Variants in NPSR1 observed in about 807,000 individuals in gnomAD.
NPSR1 encodes the protein neuropeptide S receptor.
Under a neutral mutation model 46.9 loss-of-function variants are expected in NPSR1, and 48 were observed. The ratio of observed to expected loss-of-function variants is 1.02; its 90% confidence interval spans 0.81 to 1.30. NPSR1 has a LOEUF of 1.30. NPSR1 is among the 50% of genes most tolerant of loss of function. NPSR1 has a pLI of 0.00. For synonymous variants in NPSR1, 176 were observed against 168.1 expected (o/e 1.05, Z -0.36); for missense variants, 450 against 449.5 (o/e 1.00, Z -0.01).
chr7:34,740,727 C>T (rs1232611159), intron 2 of NPSR1, among the ~76,000 whole-genome samples: 3 of 152,198 alleles, frequency 2.0e-5, no homozygotes, highest in African/African-American at 7.2e-5. Flanking sequence ...CCCACTTTCA[C>T]AGTTTGGGCA....
At chr7:34,775,132 T>A (rs1786892176) in intron 2 of NPSR1, among the ~76,000 whole-genome samples, 1 of 152,206 alleles carries the variant, frequency 6.6e-6, no homozygotes, top group African/African-American at 2.4e-5. Flanking sequence ...TCTTGTTGAC[T>A]CTTAATGACA....
chr7:34,860,963 C>G (rs1467123384), intron 8 of NPSR1, among the ~76,000 whole-genome samples: 1 of 151,880 alleles, frequency 6.6e-6, no homozygotes, highest in Non-Finnish European at 1.5e-5. Context: ...TAACACTGTT[C>G]TCTTGGACAC....
intron 3 of NPSR1, among the ~76,000 whole-genome samples, chr7:34,792,412 T>C (rs1447105415): frequency 1.4e-5 from 2 of 146,494 alleles, no homozygotes; most frequent in Non-Finnish European, 3.0e-5. Flanking sequence ...ATAGTCCTAG[T>C]ACTTTGGGAG....
chr7:34,663,709 C>T (rs1173998667), intron 1 of NPSR1, among the ~76,000 whole-genome samples: 1 of 152,224 alleles, frequency 6.6e-6, no homozygotes, highest in Non-Finnish European at 1.5e-5. Context: ...TCGCCCTCAG[C>T]GACCCCCCTG....
At chr7:34,793,547 G>C (rs902248331) in intron 3 of NPSR1, among the ~76,000 whole-genome samples, 1 of 152,106 alleles carries the variant, frequency 6.6e-6, no homozygotes, top group South Asian at 2.1e-4. Context: ...AGTTAGAATG[G>C]CTACTACAGA....
chr7:34,722,184 CA>C (rs1783893933), intron 2 of NPSR1, among the ~76,000 whole-genome samples: 1 of 151,896 alleles, frequency 6.6e-6, no homozygotes, highest in Non-Finnish European at 1.5e-5. Flanking sequence ...ATATTCATTA[CA>C]AAGTGAAAAA....
rs765381347 is a variant in NPSR1, at chr7:34,858,422, G to T, written c.1025+9759G>T. ...AAAACTTTAAAAACATAATATAAAG[G>T]TCAAAGACAGAGACATTAAAGATAA... On this transcript the variant is annotated intron_variant, in intron 8 of 8. Coordinates refer to the NPSR1 transcript ENST00000359791. 2.6e-4 allele frequency among the ~76,000 whole-genome samples: 40 copies of T among 151,656 alleles called. 1 individual carries two copies. Among genetic ancestry groups the T allele is most frequent in the Non-Finnish European group, 5.1e-4 (35 of 68,002 alleles).
chr7:34,735,899 A>G (rs1784644592), intron 2 of NPSR1, among the ~76,000 whole-genome samples: 1 of 152,218 alleles, frequency 6.6e-6, no homozygotes, highest in African/African-American at 2.4e-5. Flanking sequence ...ATAAAATTGT[A>G]ATAGTATAAA....
intron 3 of NPSR1, among the ~76,000 whole-genome samples, chr7:34,785,774 T>C (rs1787437852): frequency 6.6e-6 from 1 of 152,180 alleles, no homozygotes; most frequent in South Asian, 2.1e-4. Context: ...CACAATATTT[T>C]TGTTTCCCAG....
chr7:34,857,958 T>C (rs1364722567), intron 8 of NPSR1, among the ~76,000 whole-genome samples: 1 of 151,726 alleles, frequency 6.6e-6, no homozygotes, highest in Non-Finnish European at 1.5e-5. Flanking sequence ...TTTAATCTCA[T>C]TAAAAAGCAA....
chr7:34,674,488 C>G (rs1792213528), intron 1 of NPSR1, among the ~76,000 whole-genome samples: 1 of 152,166 alleles, frequency 6.6e-6, no homozygotes, highest in Non-Finnish European at 1.5e-5. Context: ...GAGCCTGGTG[C>G]TGTGAATGAT....
intron 3 of NPSR1, chr7:34,779,945 C>T (rs59356257): frequency 0.068 from 10,443 of 153,332 alleles, 1,033 homozygotes; most frequent in African/African-American, 0.22. Context: ...GTCATCAGAA[C>T]GCTTGGCTGG....
intron 2 of NPSR1, among the ~76,000 whole-genome samples, chr7:34,709,576 G>A (rs184988743): frequency 1.8e-3 from 278 of 152,198 alleles, no homozygotes; most frequent in Non-Finnish European, 2.9e-3. Flanking sequence ...AGACCACAGC[G>A]TTCCTGACTT....
At chr7:34,848,280 A>T in intron 7 of NPSR1, among the ~76,000 whole-genome samples, 1 of 152,218 alleles carries the variant, frequency 6.6e-6, no homozygotes. Flanking sequence ...TTTTAGGAAC[A>T]TGTCTGTAAG....
At chr7:34,727,824 CA>C (rs1268100422) in intron 2 of NPSR1, among the ~76,000 whole-genome samples, 4 of 152,148 alleles carry the variant, frequency 2.6e-5, no homozygotes, top group African/African-American at 9.7e-5. Flanking sequence ...CCCTTTCTTC[CA>C]CTTCAACTTG....
intron 2 of NPSR1, among the ~76,000 whole-genome samples, chr7:34,729,062 C>T (rs183556857): frequency 1.8e-3 from 281 of 152,302 alleles, no homozygotes; most frequent in Non-Finnish European, 3.4e-3. Context: ...CTATAGTCAT[C>T]ACCCACTCAG....
intron 4 of NPSR1, among the ~76,000 whole-genome samples, chr7:34,813,319 G>C (rs1229665833): frequency 2.0e-5 from 3 of 152,144 alleles, no homozygotes; most frequent in African/African-American, 7.2e-5. Flanking sequence ...TCTCTGTGAG[G>C]TGGGCTCTAT....
At chr7:34,750,316 T>C in intron 2 of NPSR1, 2 of 706,892 alleles carry the variant, frequency 2.8e-6, no homozygotes, top group Non-Finnish European at 2.7e-6. Context: ...TCCTGTCTTC[T>C]GTCATCTAGG....
intron 2 of NPSR1, chr7:34,751,815 C>T: frequency 6.3e-7 from 1 of 1,587,284 alleles, no homozygotes; most frequent in Non-Finnish European, 8.7e-7. Context: ...CTGTGGGACT[C>T]TCTGCCAGTT....
Sources: gnomAD v4.1 joint callset for allele counts (sites outside exome capture counted in the v4.1 genomes callset) on GRCh38, gnomAD v4.1.1 for gene constraint, MANE v1.5 for transcripts, NCBI Gene and HGNC (gene_info 2026-07-23, HGNC 2026-07-21) for gene names.